Variants in SORCS2 observed in about 807,000 individuals in gnomAD.
The protein encoded by SORCS2 is VPS10 domain-containing receptor SorCS2.
In SORCS2, 100 loss-of-function variants were observed where a neutral mutation model predicts 141.6. That is an observed-to-expected ratio of 0.71 (90% CI 0.60 to 0.83). The LOEUF (loss-of-function observed/expected upper bound fraction) is 0.83. SORCS2 is among the 40% of genes least tolerant of loss of function. SORCS2 has a pLI of 0.00. For missense variants in SORCS2, 1,646 were observed against 1,560.2 expected, an observed-to-expected ratio of 1.05 and a Z score of -0.93; for synonymous variants, 789 against 676.9, an observed-to-expected ratio of 1.17 and a Z score of -2.57.
At chr4:7,386,585 T>C (rs111163320) in intron 1 of SORCS2, among the ~76,000 whole-genome samples, 5,575 of 78,138 alleles carry the variant, frequency 0.071, no homozygotes, top group Middle Eastern at 0.16. Flanking sequence ...TGCACACACA[T>C]ACACATTTGC....
rs137968677 is a variant in SORCS2, at chr4:7,412,143, C to G, written c.548+15788C>G. Among the ~76,000 whole-genome samples the G allele has an allele frequency of 4.6e-5, 7 of 152,354 alleles. No homozygotes were observed. The East Asian group carries it at 1.4e-3, about 29-fold the overall frequency. Reference sequence around the variant, plus strand: ...TCTGGCTGGGCCTGGGTCCCAGCTTCTGCTGTAGGAGCTGCCCGGAGTGTG... The same window carrying G: ...TCTGGCTGGGCCTGGGTCCCAGCTTGTGCTGTAGGAGCTGCCCGGAGTGTG... On this transcript the variant is annotated intron_variant, in intron 2 of 26. Coordinates refer to ENST00000507866, the MANE Select transcript of SORCS2 (RefSeq NM_020777.3).
At chr4:7,688,040 GC>G (rs769260088) in intron 10 of SORCS2, among the ~76,000 whole-genome samples, 4 of 152,214 alleles carry the variant, frequency 2.6e-5, no homozygotes, top group Non-Finnish European at 5.9e-5. Flanking sequence ...GCCAACTGCG[GC>G]CACCACCTGG....
rs116143710 is a variant in SORCS2, at chr4:7,500,966, C to T, written c.549-30564C>T. Among the ~76,000 whole-genome samples, 1,399 of 152,320 alleles carry T rather than the reference C, an allele frequency of 9.2e-3. 25 individuals are homozygous for T. The highest frequency in any genetic ancestry group is 0.032 in the African/African-American group (1,343 of 41,562). On this transcript the variant is annotated intron_variant, in intron 2 of 26. Coordinates refer to ENST00000507866, the MANE Select transcript of SORCS2 (RefSeq NM_020777.3). ...GGAGGTTTGGCCTTCCCAGGGAGCT[C>T]GGCTCAAGCCAGCGTGGATCCAGCT...
intron 1 of SORCS2, among the ~76,000 whole-genome samples, chr4:7,309,321 C>T (rs1325446410): frequency 3.3e-5 from 5 of 152,168 alleles, no homozygotes; most frequent in South Asian, 2.1e-4. Context: ...TTCCTAGCAA[C>T]GCAGGACTCA....
At chr4:7,497,661 C>A (rs10027474) in intron 2 of SORCS2, among the ~76,000 whole-genome samples, 9,051 of 152,352 alleles carry the variant, frequency 0.059, 671 homozygotes, top group African/African-American at 0.17. Context: ...AGGAACCACA[C>A]GTTTCACTCG....
intron 1 of SORCS2, among the ~76,000 whole-genome samples, chr4:7,322,649 C>A (rs1718969832): frequency 1.3e-5 from 2 of 152,222 alleles, no homozygotes; most frequent in Non-Finnish European, 2.9e-5. Context: ...ACCCCCTTGT[C>A]CAGCCGCTCA....
chr4:7,241,903 G>A (rs1279656154), intron 1 of SORCS2, among the ~76,000 whole-genome samples: 1 of 152,232 alleles, frequency 6.6e-6, no homozygotes, highest in Non-Finnish European at 1.5e-5. Flanking sequence ...ACGGTGTTGA[G>A]CGTCTACTCC....
chr4:7,530,575 G>A (rs768210941), intron 2 of SORCS2, among the ~76,000 whole-genome samples: 2 of 152,190 alleles, frequency 1.3e-5, no homozygotes, highest in Non-Finnish European at 2.9e-5. Context: ...ATGCTTCCCC[G>A]AGCACCTCTG....
chr4:7,227,390 C>A (rs914409180), intron 1 of SORCS2, among the ~76,000 whole-genome samples: 13 of 152,244 alleles, frequency 8.5e-5, no homozygotes, highest in African/African-American at 3.1e-4. Flanking sequence ...GAGGGAGCCG[C>A]TTTCTTCTCG....
intron 3 of SORCS2, among the ~76,000 whole-genome samples, chr4:7,608,423 C>A (rs777064321): frequency 1.3e-4 from 20 of 152,228 alleles, no homozygotes; most frequent in Non-Finnish European, 2.9e-4. Flanking sequence ...TCAAGCTCCA[C>A]ATACCAGGGG....
intron 3 of SORCS2, among the ~76,000 whole-genome samples, chr4:7,609,998 A>G (rs1347598474): frequency 1.3e-5 from 2 of 152,170 alleles, no homozygotes; most frequent in African/African-American, 4.8e-5. Context: ...TCTGACCGTA[A>G]TCATCCACAG....
Position 7,633,798 on chromosome 4 carries a change from G to A in SORCS2, c.649-4530G>A, listed in dbSNP as rs139801116. On this transcript the variant is annotated intron_variant, in intron 3 of 26. Transcript: ENST00000507866. ...CCTGCATGCGCTCCTTCATGTGTCC[G>A]TCAGGCGGGATTAACGGCCAGCTCC... Among the ~76,000 whole-genome samples the A allele has an allele frequency of 1.9e-3, 113 of 59,572 alleles. 34 individuals are homozygous for A. Among genetic ancestry groups the A allele is most frequent in the Non-Finnish European group, 4.6e-3 (91 of 19,892 alleles). 39.1% of individuals were successfully genotyped at this position (59,572 alleles called of 152,430 possible).
chr4:7,194,024 C>T (rs995936494), intron 1 of SORCS2, among the ~76,000 whole-genome samples: 4 of 152,162 alleles, frequency 2.6e-5, no homozygotes, highest in Non-Finnish European at 4.4e-5. Context: ...TCCCCCCACC[C>T]CCACAAAAGG....
At chr4:7,462,528 C>CA (rs1560305367) in intron 2 of SORCS2, among the ~76,000 whole-genome samples, 1 of 152,086 alleles carries the variant, frequency 6.6e-6, no homozygotes, top group East Asian at 1.9e-4. Flanking sequence ...GACGTTGGCT[C>CA]TAAAGCCTGG....
In SORCS2 at chr4:7,380,770, T is replaced by C. The variant is rs571664619; in HGVS notation, c.481-15518T>C. On this transcript the variant is annotated intron_variant, in intron 1 of 26. Transcript: ENST00000507866. ...TTGTTTTCTATTTATGGCCGTGATG[T>C]GAAATTTGCTTACTTGTGTTAAAGA... 2.0e-5 allele frequency among the ~76,000 whole-genome samples: 3 copies of C among 152,372 alleles called. No homozygotes were observed. In the South Asian group the frequency reaches 6.2e-4, roughly 32 times the overall value.
intron 2 of SORCS2, among the ~76,000 whole-genome samples, chr4:7,422,215 T>C (rs1460560641): frequency 6.6e-6 from 1 of 152,180 alleles, no homozygotes; most frequent in Non-Finnish European, 1.5e-5. Flanking sequence ...CCTTCTCCTG[T>C]CACTGCCCTC....
chr4:7,721,552 C>T (rs1047119122), intron 18 of SORCS2, among the ~76,000 whole-genome samples: 2 of 152,158 alleles, frequency 1.3e-5, no homozygotes, highest in African/African-American at 4.8e-5. Context: ...CCCACATGAT[C>T]CCCTGCTGTG....
chr4:7,238,575 ATG>A (rs1478403474), intron 1 of SORCS2, among the ~76,000 whole-genome samples: 1 of 152,062 alleles, frequency 6.6e-6, no homozygotes, highest in African/African-American at 2.4e-5. Context: ...GTGTGCATAT[ATG>A]TGTGTGCCTG....
intron 3 of SORCS2, among the ~76,000 whole-genome samples, chr4:7,599,838 T>TA (rs1553890390): frequency 2.7e-5 from 4 of 150,846 alleles, no homozygotes; most frequent in African/African-American, 9.7e-5. Context: ...TTTTTTTTTT[T>TA]ATTGAGACAG....
Sources: allele counts gnomAD v4.1 joint callset (sites outside exome capture counted in the v4.1 genomes callset), GRCh38; gene constraint gnomAD v4.1.1; transcripts MANE v1.5; gene names NCBI Gene and HGNC (gene_info 2026-07-23, HGNC 2026-07-21).